The following KIT variants were observed in gnomAD, a reference collection of about 807,000 sequenced individuals.
KIT encodes KIT proto-oncogene, receptor tyrosine kinase.
A neutral mutation model predicts 105.7 loss-of-function variants in KIT; 16 were observed. The observed-to-expected ratio is 0.15, with a 90% confidence interval of 0.10 to 0.23. KIT has a LOEUF of 0.23. KIT is among the 10% of genes least tolerant of loss of function. The probability of loss-of-function intolerance (pLI) is 1.00; values close to 1 mark genes in which losing one functional copy is unlikely to be tolerated. For missense variants in KIT, 858 were observed against 1,213.8 expected (o/e 0.71, Z 4.36); for synonymous variants, 438 against 441.1 (o/e 0.99, Z 0.09).
At chr4:54,668,696 GA>G (rs1717882296) in intron 1 of KIT, among the ~76,000 whole-genome samples, 1 of 152,232 alleles carries the variant, frequency 6.6e-6, no homozygotes, top group Non-Finnish European at 1.5e-5. Context: ...GGAGATTTTA[GA>G]AGTGTGAAAG....
intron 17 of KIT, among the ~76,000 whole-genome samples, chr4:54,736,243 A>G (rs148311124): frequency 4.1e-4 from 63 of 152,314 alleles, no homozygotes; most frequent in African/African-American, 1.4e-3. Flanking sequence ...GCTGTCTCTG[A>G]CGTTTGTGCT....
chr4:54,722,251 A>T (rs550213826), intron 7 of KIT, among the ~76,000 whole-genome samples: 3 of 152,288 alleles, frequency 2.0e-5, no homozygotes, highest in Non-Finnish European at 4.4e-5. Flanking sequence ...TCAGCCTCCC[A>T]AAGTGCTGGG....
rs770723370 is a variant in KIT, at chr4:54,707,296, T to C, written c.1115+9T>C. On this transcript the variant is annotated intron_variant, in intron 6 of 20. Coordinates refer to ENST00000288135, the MANE Select transcript of KIT (RefSeq NM_000222.3). ...AATGAAAGTAATATCAGGTAAGAAA[T>C]GGACCTTGCCCTGGGGGATTACACA... The C allele has an allele frequency of 6.3e-7, 1 of 1,590,200 alleles. No individual in the cohort carries two copies. Among genetic ancestry groups the C allele is most frequent in the East Asian group, 2.2e-5 (1 of 44,756 alleles).
chr4:54,734,239 A>T (rs994556575), intron 17 of KIT, among the ~76,000 whole-genome samples: 3 of 152,196 alleles, frequency 2.0e-5, no homozygotes, highest in African/African-American at 7.2e-5. Context: ...AGGAGGAAGA[A>T]GGTGGCCGCC....
chr4:54,698,377 C>T lies in KIT; in HGVS notation c.431C>T (p.Thr144Ile), dbSNP rs2109672716. Residue 144 changes from threonine (T) to isoleucine (I), a missense_variant, in exon 3 of 21, where the codon ACC becomes ATC. Physicochemically the swap from Thr to Ile is moderately conservative, Grantham distance 89. Around this residue, in one of 7 missense-constraint regions of KIT, gnomAD observed 401 missense variants for 601.0 expected, o/e 0.67. Transcript: ENST00000288135. ...VRCPLTDPEV[T>I]NYSLKGCQGK... ...TGTCCTCTCACAGACCCAGAAGTGACCAATTATTCCCTCAAGGGGTGCCAG... is the reference window on the plus strand; with the variant it reads ...TGTCCTCTCACAGACCCAGAAGTGATCAATTATTCCCTCAAGGGGTGCCAG... 2 of 1,614,138 alleles carry T rather than the reference C, an allele frequency of 1.2e-6. No homozygotes were observed. Among genetic ancestry groups the T allele is most frequent in the Non-Finnish European group, 1.7e-6 (2 of 1,180,004 alleles).
chr4:54,734,528 A>T (rs80149176), intron 17 of KIT, among the ~76,000 whole-genome samples: 16,875 of 152,212 alleles, frequency 0.11, 1,025 homozygotes, highest in South Asian at 0.19. Flanking sequence ...TTAGTTTGAA[A>T]TGACAAAGAG....
intron 2 of KIT, chr4:54,696,054 A>G (rs1720043922): frequency 1.9e-6 from 1 of 518,878 alleles, no homozygotes; most frequent in East Asian, 3.3e-5. Context: ...TGCTTTGAGT[A>G]AACCCTGAGA....
chr4:54,665,351 A>G (rs1001270157), intron 1 of KIT, among the ~76,000 whole-genome samples: 34 of 152,278 alleles, frequency 2.2e-4, no homozygotes, highest in African/African-American at 8.2e-4. Flanking sequence ...TATCTAAGGG[A>G]GATTTTTCGT....
At chr4:54,676,143 C>A (rs1420989524) in intron 1 of KIT, among the ~76,000 whole-genome samples, 1 of 152,168 alleles carries the variant, frequency 6.6e-6, no homozygotes. Flanking sequence ...TGCGCTAATG[C>A]CCTGAGTTTC....
chr4:54,693,288 C>A (rs1719836399), intron 1 of KIT, among the ~76,000 whole-genome samples: 1 of 152,174 alleles, frequency 6.6e-6, no homozygotes, highest in Non-Finnish European at 1.5e-5. Context: ...AGAGCCACCA[C>A]CCTCTCTTTG....
intron 1 of KIT, among the ~76,000 whole-genome samples, chr4:54,687,545 C>A (rs1053108804): frequency 5.9e-5 from 9 of 152,142 alleles, no homozygotes; most frequent in Middle Eastern, 3.4e-3. Flanking sequence ...TCCTTTCTGC[C>A]CCTTTGCATC....
chr4:54,704,513 T>TAGATATGATGGGTG (rs1242233393), intron 5 of KIT, among the ~76,000 whole-genome samples: 1 of 152,108 alleles, frequency 6.6e-6, no homozygotes, highest in Non-Finnish European at 1.5e-5. Flanking sequence ...CCGGACCCCA[T>TAGATATGATGGGTG]CATATCTGGT....
At chr4:54,710,539 G>T (rs2109718144) in intron 7 of KIT, among the ~76,000 whole-genome samples, 1 of 152,140 alleles carries the variant, frequency 6.6e-6, no homozygotes, top group South Asian at 2.1e-4. Flanking sequence ...ACGAGGTGTT[G>T]TGGTTTTGTT....
chr4:54,730,934 T>TA (rs1722548857), intron 14 of KIT, among the ~76,000 whole-genome samples: 1 of 152,166 alleles, frequency 6.6e-6, no homozygotes, highest in South Asian at 2.1e-4. Context: ...GCCTCCTGCA[T>TA]AACACGTCTT....
chr4:54,658,838 T>C (rs1297650135), intron 1 of KIT, among the ~76,000 whole-genome samples: 1 of 152,138 alleles, frequency 6.6e-6, no homozygotes, highest in Non-Finnish European at 1.5e-5. Context: ...TTGCAGACTT[T>C]TTGCTTTCGT....
At chr4:54,708,989 G>T (rs1037913911) in intron 6 of KIT, among the ~76,000 whole-genome samples, 1 of 152,162 alleles carries the variant, frequency 6.6e-6, no homozygotes, top group African/African-American at 2.4e-5. Context: ...TGTGGACCTC[G>T]CTGAGGGCCC....
rs193129140 is a variant in KIT, at chr4:54,739,490, T to G, written c.*933T>G. 1 of 233,520 alleles carries G rather than the reference T, an allele frequency of 4.3e-6. No individual in the cohort carries two copies. The highest frequency in any genetic ancestry group is 5.6e-5 in the Admixed American group (1 of 17,802). 14.5% of individuals were successfully genotyped at this position (233,520 alleles called of 1,614,324 possible). A position where few individuals can be genotyped will look rare whatever the true frequency, so the allele number is the denominator to read the frequency against. ...AAGCCTATCAGCTTCAGAATGGCAT[T>G]GTACTCAATGGATTTGATGCTGTTT... On this transcript the variant is annotated 3_prime_UTR_variant, in exon 21 of 21. Coordinates refer to ENST00000288135, the MANE Select transcript of KIT (RefSeq NM_000222.3).
intron 1 of KIT, among the ~76,000 whole-genome samples, chr4:54,668,770 A>C (rs1717889710): frequency 1.3e-5 from 2 of 152,246 alleles, no homozygotes; most frequent in African/African-American, 4.8e-5. Flanking sequence ...AAATAAAACA[A>C]GACTATGTTA....
Position 54,701,378 on chromosome 4 carries a change from T to TA in KIT, c.756+1618dup, listed in dbSNP as rs1279483787. ...AATACTATTAGCACTATCAAATTAT[T>TA]AAAAAATCCATAATATTTTATTCTG... On this transcript the variant is annotated intron_variant, in intron 4 of 20. Transcript: ENST00000288135. Among the ~76,000 whole-genome samples the TA allele has an allele frequency of 7.9e-5, 12 of 152,152 alleles. No individual in the cohort carries two copies. In the South Asian group the frequency reaches 1.7e-3, roughly 21 times the overall value.
Sources: gnomAD v4.1 joint callset for allele counts (sites outside exome capture counted in the v4.1 genomes callset) on GRCh38, gnomAD v4.1.1 for gene constraint, gnomAD v4.1.1 regional missense constraint, MANE v1.5 for transcripts, NCBI Gene and HGNC (gene_info 2026-07-23, HGNC 2026-07-21) for gene names.